FSTL4: variants seen among roughly 807,000 people sequenced by gnomAD.
FSTL4 encodes follistatin-related protein 4.
In FSTL4, 28 loss-of-function variants were observed where a neutral mutation model predicts 78.2. The observed-to-expected ratio is 0.36, with a 90% CI of 0.27 to 0.49. The LOEUF (loss-of-function observed/expected upper bound fraction) is 0.49, where lower values mean the gene tolerates loss of function less well. Ranked by LOEUF, FSTL4 falls within the 20% of genes least tolerant of loss-of-function variation. The pLI is 0.98. For synonymous variants in FSTL4, 422 were observed against 440.5 expected, an observed-to-expected ratio of 0.96 and a Z score of 0.53; for missense variants, 922 against 1,084.9, an observed-to-expected ratio of 0.85 and a Z score of 2.11.
At chr5:133,676,353 T>C in the FSTL4 span, among the ~76,000 whole-genome samples, 1 of 152,326 alleles carries the variant, frequency 6.6e-6, no homozygotes, top group Non-Finnish European at 1.5e-5. Context: ...TGGAGAAAAC[T>C]CATAACAATA....
the FSTL4 span, among the ~76,000 whole-genome samples, chr5:133,744,023 T>C: frequency 6.6e-6 from 1 of 152,380 alleles, no homozygotes; most frequent in South Asian, 2.1e-4. Flanking sequence ...GAGGCCCATC[T>C]AGGAAAGAAA....
chr5:133,330,542 C>T (rs28744374), intron 4 of FSTL4, among the ~76,000 whole-genome samples: 9,661 of 152,170 alleles, frequency 0.063, 562 homozygotes, highest in African/African-American at 0.14. Context: ...GAGAATCCCA[C>T]CCCCATGATC....
intron 13 of FSTL4, among the ~76,000 whole-genome samples, chr5:133,216,424 A>G (rs4958103): frequency 3.9e-4 from 59 of 152,078 alleles, no homozygotes; most frequent in Non-Finnish European, 5.6e-4. Flanking sequence ...CCGTCAAGTG[A>G]TTCTCCTGCC....
chr5:133,659,119 A>C, the FSTL4 span, among the ~76,000 whole-genome samples: 3 of 152,140 alleles, frequency 2.0e-5, no homozygotes. Flanking sequence ...ACATATGAAG[A>C]GATAAATTAT....
intron 7 of FSTL4, among the ~76,000 whole-genome samples, chr5:133,242,964 A>T (rs946792896): frequency 6.6e-6 from 1 of 152,234 alleles, no homozygotes; most frequent in Non-Finnish European, 1.5e-5. Context: ...ATATAAAGAC[A>T]ATAAAAATTA....
At chr5:133,472,078 G>A (rs1472172068) in intron 3 of FSTL4, among the ~76,000 whole-genome samples, 1 of 152,222 alleles carries the variant, frequency 6.6e-6, no homozygotes, top group African/African-American at 2.4e-5. Flanking sequence ...ACCGTGTGGA[G>A]CAGAGAACTC....
At chr5:133,670,042 G>C in the FSTL4 span, among the ~76,000 whole-genome samples, 1 of 152,062 alleles carries the variant, frequency 6.6e-6, no homozygotes, top group Non-Finnish European at 1.5e-5. Context: ...TACACGCTCC[G>C]CTCCCAAGAT....
intron 3 of FSTL4, among the ~76,000 whole-genome samples, chr5:133,483,405 G>C (rs890542234): frequency 6.6e-6 from 1 of 152,210 alleles, no homozygotes; most frequent in Non-Finnish European, 1.5e-5. Context: ...CCCTACATGT[G>C]TGTGGACTGC....
At chr5:133,205,935 T>C (rs1750486263) in intron 14 of FSTL4, among the ~76,000 whole-genome samples, 1 of 152,200 alleles carries the variant, frequency 6.6e-6, no homozygotes, top group Non-Finnish European at 1.5e-5. Flanking sequence ...GAGCACAAAC[T>C]AGCGCAACCC....
Position 133,426,892 on chromosome 5 carries a change from A to G in FSTL4, c.161-25906T>C, listed in dbSNP as rs1756831209. On this transcript the variant is annotated intron_variant, in intron 3 of 15. Transcript: ENST00000265342. This position sits in a 1 kb window ranked among gnomAD's most constrained non-coding sequence, Gnocchi z 5.0. ...CAAGTTCTGGGAGGAGTAAGCTGAG[A>G]TTTCAGGTTCTAAAACAACCTAAAT... 6.6e-6 allele frequency among the ~76,000 whole-genome samples: 1 copy of G among 152,194 alleles called. No individual in the cohort carries two copies. The highest frequency in any genetic ancestry group is 6.5e-5 in the Admixed American group (1 of 15,288).
chr5:133,613,289 C>T (rs1350092806), upstream of FSTL4, among the ~76,000 whole-genome samples: 1 of 152,232 alleles, frequency 6.6e-6, no homozygotes, highest in Non-Finnish European at 1.5e-5. Context: ...CATACGTAGC[C>T]TCAGTCTGGC....
chr5:133,673,393 G>A, the FSTL4 span, among the ~76,000 whole-genome samples: 1 of 152,156 alleles, frequency 6.6e-6, no homozygotes, highest in African/African-American at 2.4e-5. Context: ...CCAGGGCAGG[G>A]GTGTTCCCTC....
intron 6 of FSTL4, among the ~76,000 whole-genome samples, chr5:133,309,774 C>T (rs945451450): frequency 1.3e-5 from 2 of 152,214 alleles, no homozygotes; most frequent in African/African-American, 2.4e-5. Flanking sequence ...GACTCCGCAT[C>T]GGTAGGCTAC....
chr5:133,424,979 A>C (rs1756779611), intron 3 of FSTL4, among the ~76,000 whole-genome samples: 1 of 152,194 alleles, frequency 6.6e-6, no homozygotes, highest in Admixed American at 6.5e-5. Context: ...ATCTGTAAAA[A>C]CAAAACAAAA....
chr5:133,699,774 G>A, the FSTL4 span, among the ~76,000 whole-genome samples: 1 of 151,344 alleles, frequency 6.6e-6, no homozygotes, highest in South Asian at 2.1e-4. Flanking sequence ...CCAGCTACTC[G>A]GGAGGCTGAG....
chr5:133,456,493 GA>G (rs897722664), intron 3 of FSTL4, among the ~76,000 whole-genome samples: 15 of 152,288 alleles, frequency 9.8e-5, no homozygotes, highest in Middle Eastern at 3.4e-3. Context: ...TAGGGAGGGG[GA>G]AAACCAGCTG....
intron 4 of FSTL4, among the ~76,000 whole-genome samples, chr5:133,400,027 T>A (rs746376196): frequency 6.6e-6 from 1 of 152,240 alleles, no homozygotes; most frequent in Non-Finnish European, 1.5e-5. Context: ...ATTGAGCATT[T>A]TCTTGGTGCA....
intron 4 of FSTL4, among the ~76,000 whole-genome samples, chr5:133,327,785 A>C (rs1754251226): frequency 6.6e-6 from 1 of 152,198 alleles, no homozygotes; most frequent in Admixed American, 6.5e-5. Context: ...TGGTTCTCTC[A>C]AAGGTCACCT....
the FSTL4 span, among the ~76,000 whole-genome samples, chr5:133,650,374 C>T: frequency 6.6e-6 from 1 of 152,098 alleles, no homozygotes; most frequent in Non-Finnish European, 1.5e-5. Flanking sequence ...CCATTATCAC[C>T]AAACCCAAGG....
Sources: allele counts gnomAD v4.1 joint callset (sites outside exome capture counted in the v4.1 genomes callset), GRCh38; gene constraint gnomAD v4.1.1; non-coding constraint Gnocchi (gnomAD v3.1); transcripts MANE v1.5; gene names NCBI Gene and HGNC (gene_info 2026-07-23, HGNC 2026-07-21).